UGT2B7: variants seen among roughly 807,000 people sequenced by gnomAD.
UGT2B7 encodes the protein UDP glucuronosyltransferase family 2 member B7.
Under a neutral mutation model 51.9 loss-of-function variants are expected in UGT2B7, and 51 were observed. The observed-to-expected ratio is 0.98, with a 90% CI of 0.78 to 1.24. The LOEUF (loss-of-function observed/expected upper bound fraction) is 1.24. UGT2B7 is among the 50% of genes most tolerant of loss of function. The probability of loss-of-function intolerance (pLI) is 0.00; values close to 1 mark genes in which losing one functional copy is unlikely to be tolerated. For missense variants in UGT2B7, 727 were observed against 628.4 expected (o/e 1.16, Z -1.68); for synonymous variants, 225 against 211.6 (o/e 1.06, Z -0.55).
In UGT2B7 at chr4:69,107,230, T is replaced by C. The variant is rs756690694; in HGVS notation, c.1058T>C (p.Leu353Pro). The part of the protein sequence containing the change: ...KPDTLGLNTR[L>P]YKWIPQNDLL... ...GATACCTTAGGTCTCAATACTCGGC[T>C]CTACAAGTGGATACCCCAGAATGAC... Residue 353 changes from leucine (L) to proline (P), a missense_variant, in exon 4 of 6, where the codon CTC (leucine) becomes CCC (proline). Physicochemically the swap from Leu to Pro is moderately conservative, Grantham distance 98 (BLOSUM62 -3). Transcript: ENST00000305231. 21 of 1,610,002 alleles carry C rather than the reference T, an allele frequency of 1.3e-5. No individual in the cohort carries two copies. The highest frequency in any genetic ancestry group is 1.7e-5 in the Non-Finnish European group (20 of 1,177,390).
At chr4:69,094,906 T>C (rs916304778), upstream of UGT2B7, among the ~76,000 whole-genome samples, 1 of 152,238 alleles carries the variant, frequency 6.6e-6, no homozygotes, top group Non-Finnish European at 1.5e-5. Flanking sequence ...GTTCATAACA[T>C]CTTCACCAGG....
At chr4:69,103,718 G>C (rs1036926428) in intron 3 of UGT2B7, among the ~76,000 whole-genome samples, 16 of 152,014 alleles carry the variant, frequency 1.1e-4, no homozygotes, top group Admixed American at 8.5e-4. Flanking sequence ...ACTGACTCTT[G>C]GGTCACCTCT....
intron 1 of UGT2B7, among the ~76,000 whole-genome samples, chr4:69,085,347 G>A (rs1362976496): frequency 2.6e-5 from 4 of 152,014 alleles, no homozygotes; most frequent in Admixed American, 6.6e-5. Flanking sequence ...TAACTGTTTT[G>A]TAGATTCTGG....
chr4:69,057,923 G>T (rs1718244258), intron 1 of UGT2B7, among the ~76,000 whole-genome samples: 1 of 152,206 alleles, frequency 6.6e-6, no homozygotes, highest in African/African-American at 2.4e-5. Context: ...AATTGGCCCT[G>T]TGTTTAAGGT....
At chr4:69,083,916 T>C (rs895419419) in intron 1 of UGT2B7, among the ~76,000 whole-genome samples, 1 of 152,106 alleles carries the variant, frequency 6.6e-6, no homozygotes, top group Admixed American at 6.6e-5. Flanking sequence ...AATGATATAT[T>C]GAATAAGAGT....
chr4:69,072,227 T>C (rs1487789239), intron 1 of UGT2B7, among the ~76,000 whole-genome samples: 4 of 152,122 alleles, frequency 2.6e-5, no homozygotes, highest in Non-Finnish European at 5.9e-5. Flanking sequence ...AGATTGATTC[T>C]AAAAGCTTTT....
At chr4:69,066,865 A>G (rs1037565392) in intron 1 of UGT2B7, among the ~76,000 whole-genome samples, 10 of 152,132 alleles carry the variant, frequency 6.6e-5, no homozygotes, top group African/African-American at 2.4e-4. Context: ...GCTCATTTTC[A>G]TGATGATCTC....
At chr4:69,059,960 T>G (rs979907849) in intron 1 of UGT2B7, among the ~76,000 whole-genome samples, 2 of 152,222 alleles carry the variant, frequency 1.3e-5, no homozygotes. Flanking sequence ...CACCAATTAA[T>G]GAGCCTATTT....
intron 1 of UGT2B7, among the ~76,000 whole-genome samples, chr4:69,085,769 T>C (rs1287411268): frequency 1.3e-5 from 2 of 152,088 alleles, no homozygotes; most frequent in Middle Eastern, 3.4e-3. Context: ...TGGTGGTATG[T>C]GTCCAAAAAC....
chr4:69,108,724 T>C (rs190107585), intron 5 of UGT2B7, among the ~76,000 whole-genome samples: 127 of 152,192 alleles, frequency 8.3e-4, no homozygotes, highest in African/African-American at 2.8e-3. Flanking sequence ...TTTATTATTA[T>C]CATTATTGTA....
At chr4:69,095,431 A>C (rs1719196790), upstream of UGT2B7, among the ~76,000 whole-genome samples, 1 of 152,248 alleles carries the variant, frequency 6.6e-6, no homozygotes, top group African/African-American at 2.4e-5. Flanking sequence ...GACATCAGTG[A>C]GATCCTTCAG....
At chr4:69,109,275 C>T (rs1174057214) in intron 5 of UGT2B7, among the ~76,000 whole-genome samples, 1 of 152,086 alleles carries the variant, frequency 6.6e-6, no homozygotes. Flanking sequence ...GGAATTGCTG[C>T]TTCATGTGGG....
rs373638964 is a variant in UGT2B7 at position 69,098,651 on chromosome 4, G to A, written c.833G>A (p.Gly278Glu). The change falls in exon 2 of 6, where the codon GGA becomes GAA. Residue 278 changes from glycine (G) to glutamate (E), a missense_variant. Transcript: ENST00000305231. ...CTCTTACCAAATGTTGATTTTGTTG[G>A]AGGACTCCACTGCAAACCTGCCAAA... ...YPLLPNVDFV[G>E]GLHCKPAKPL... 6.2e-7 allele frequency: 1 copy of A among 1,612,236 alleles called. No individual in the cohort carries two copies. Among genetic ancestry groups the A allele is most frequent in the Non-Finnish European group, 8.5e-7 (1 of 1,178,948 alleles).
intron 1 of UGT2B7, among the ~76,000 whole-genome samples, chr4:69,087,044 C>T (rs1406255629): frequency 1.3e-5 from 2 of 151,496 alleles, no homozygotes; most frequent in Admixed American, 1.3e-4. Flanking sequence ...TCCTTTCTCT[C>T]TCGCTCTGTC....
rs536186384 is a variant in UGT2B7 at position 69,097,454 on chromosome 4, C to T, written c.721+213C>T. Among the ~76,000 whole-genome samples, 271 of 152,184 alleles carry T rather than the reference C, an allele frequency of 1.8e-3. 2 individuals carry two copies. Among genetic ancestry groups the T allele is most frequent in the African/African-American group, 6.3e-3 (263 of 41,554 alleles). On this transcript the variant is annotated intron_variant, in intron 1 of 5. Transcript: ENST00000305231. ...CCCTGTGGCCATCACTCACACAGAA[C>T]ACCCCAGGAAATCATAAACCTATAC...
At chr4:69,097,748 G>T (rs1188209830) in intron 1 of UGT2B7, among the ~76,000 whole-genome samples, 2 of 151,926 alleles carry the variant, frequency 1.3e-5, no homozygotes, top group Admixed American at 6.6e-5. Context: ...TACCTCAGAT[G>T]CAAAAATCAA....
intron 1 of UGT2B7, among the ~76,000 whole-genome samples, chr4:69,086,535 T>C (rs1360820746): frequency 6.6e-6 from 1 of 151,914 alleles, no homozygotes; most frequent in Non-Finnish European, 1.5e-5. Context: ...TTTTCATTGA[T>C]TTTCTGTCTG....
upstream of UGT2B7, among the ~76,000 whole-genome samples, chr4:69,092,120 T>G (rs115933429): frequency 7.8e-4 from 118 of 152,112 alleles, no homozygotes; most frequent in African/African-American, 2.6e-3. Flanking sequence ...GTAAAATGTT[T>G]GTACTGAGTA....
chr4:69,064,108 A>G (rs773961005), intron 1 of UGT2B7, among the ~76,000 whole-genome samples: 2,148 of 93,668 alleles, frequency 0.023, 83 homozygotes, highest in East Asian at 0.062. Context: ...GAAAGAAAGA[A>G]AGAAAAAGAA....
Sources: allele counts gnomAD v4.1 joint callset (sites outside exome capture counted in the v4.1 genomes callset), GRCh38; gene constraint gnomAD v4.1.1; transcripts MANE v1.5; gene names NCBI Gene and HGNC (gene_info 2026-07-23, HGNC 2026-07-21).